Variants in PRKCI observed in about 807,000 individuals in gnomAD.
The protein encoded by PRKCI is protein kinase C iota, also known as protein kinase C iota type.
PRKCI carries 43 observed loss-of-function variants against 84.0 expected under a neutral mutation model. The observed-to-expected ratio is 0.51, with a 90% CI of 0.40 to 0.66. The LOEUF (loss-of-function observed/expected upper bound fraction) is 0.66. Among genes scored for constraint, PRKCI ranks in the 30% least tolerant of loss-of-function variants. The pLI, the probability that PRKCI is intolerant of heterozygous loss-of-function variation, is 0.00. For synonymous variants in PRKCI, 216 were observed against 234.4 expected, an observed-to-expected ratio of 0.92 and a Z score of 0.72; for missense variants, 459 against 745.6, an observed-to-expected ratio of 0.62 and a Z score of 4.48.
chr3:170,291,934 A>T lies in PRKCI; in HGVS notation c.1284A>T (p.Glu428Asp). The change falls in exon 13 of 18, where the codon GAA (glutamate) becomes GAT (aspartate). Residue 428 changes from glutamate (E) to aspartate (D), a missense_variant. Physicochemically the swap from Glu to Asp is conservative, Grantham distance 45. Around this residue, in one of 2 missense-constraint regions of PRKCI, gnomAD observed 209 missense variants for 425.9 expected, o/e 0.49. Coordinates refer to ENST00000295797, the MANE Select transcript of PRKCI (RefSeq NM_002740.6). ...TTGCTCCTGAAATTTTAAGAGGAGA[A>T]GATTATGGTAATAAATAAATTGGTG... is the stretch of plus-strand genomic sequence containing the variant. ...NYIAPEILRG[E>D]DYGFSVDWWA... The T allele has an allele frequency of 6.3e-7, 1 of 1,583,556 alleles. No homozygotes were observed. Among genetic ancestry groups the T allele is most frequent in the Non-Finnish European group, 8.7e-7 (1 of 1,152,266 alleles).
chr3:170,304,948 A>G lies in PRKCI; in HGVS notation c.*1821A>G, dbSNP rs1254034973. 2.0e-5 allele frequency: 3 copies of G among 152,158 alleles called. No individual in the cohort carries two copies. The highest frequency in any genetic ancestry group is 4.8e-5 in the African/African-American group (2 of 41,442). 9.4% of individuals were successfully genotyped at this position (152,158 alleles called of 1,614,324 possible). On this transcript the variant is annotated 3_prime_UTR_variant, in exon 18 of 18. Coordinates refer to ENST00000295797, the MANE Select transcript of PRKCI (RefSeq NM_002740.6). ...TTTCATTGGAAATGTCATTTTTCCA[A>G]AGTTTCTAGCTATATACTCTCTTTC...
intron 2 of PRKCI, among the ~76,000 whole-genome samples, chr3:170,250,549 CAGAT>C (rs1008212260): frequency 6.8e-6 from 1 of 148,030 alleles, no homozygotes; most frequent in Non-Finnish European, 1.5e-5. Context: ...TATGTTTCTA[CAGAT>C]AGACTGATTC....
At chr3:170,284,873 A>T (rs575683060) in intron 12 of PRKCI, among the ~76,000 whole-genome samples, 267 of 152,322 alleles carry the variant, frequency 1.8e-3, no homozygotes, top group African/African-American at 6.1e-3. Flanking sequence ...ATTTGGAAAT[A>T]AAAATTGTCT....
chr3:170,255,093 T>C (rs1368367099), intron 2 of PRKCI, among the ~76,000 whole-genome samples: 1 of 150,092 alleles, frequency 6.7e-6, no homozygotes, highest in African/African-American at 2.4e-5. Context: ...AGAGTTTCAC[T>C]TTTGTTGCCC....
chr3:170,235,151 A>G, intron 1 of PRKCI, 79 bp from the exon 2 acceptor site: 1 of 1,424,740 alleles, frequency 7.0e-7, no homozygotes, highest in Non-Finnish European at 9.6e-7. Flanking sequence ...AAGTTCATCA[A>G]ATTGTCAAGC....
chr3:170,258,391 T>C (rs1207404459), intron 2 of PRKCI, among the ~76,000 whole-genome samples: 1 of 151,774 alleles, frequency 6.6e-6, no homozygotes, highest in Non-Finnish European at 1.5e-5. Flanking sequence ...CTACACCCTC[T>C]GCTTCCTAGG....
intron 2 of PRKCI, among the ~76,000 whole-genome samples, chr3:170,250,200 G>A (rs1733403835): frequency 6.6e-6 from 1 of 151,124 alleles, no homozygotes; most frequent in Middle Eastern, 3.4e-3. Context: ...TTGAACCTGG[G>A]AGCTGGAGGT....
intron 16 of PRKCI, 122 bp downstream of exon 16, chr3:170,297,515 C>T (rs1734713789): frequency 3.9e-6 from 3 of 762,258 alleles, no homozygotes; most frequent in Non-Finnish European, 6.6e-6. Flanking sequence ...AGTACAATGG[C>T]ACGATCTCAG....
At chr3:170,297,883 A>T (rs935178492) in intron 16 of PRKCI, among the ~76,000 whole-genome samples, 24 of 151,104 alleles carry the variant, frequency 1.6e-4, no homozygotes, top group African/African-American at 5.1e-4. Flanking sequence ...TTAATTTATT[A>T]TTTTTTTTCT....
At chr3:170,289,599 C>T (rs766754464) in intron 12 of PRKCI, among the ~76,000 whole-genome samples, 6 of 152,050 alleles carry the variant, frequency 3.9e-5, no homozygotes, top group Non-Finnish European at 8.8e-5. Context: ...CATGGCAAAA[C>T]CCCATCTCTA....
rs1046523192 is a variant in PRKCI at position 170,270,593 on chromosome 3, T to C, written c.591+32T>C. The C allele has an allele frequency of 4.4e-6, 7 of 1,577,018 alleles. No homozygotes were observed. In the African/African-American group the frequency reaches 8.3e-5, roughly 19 times the overall value. ...TGTCTGTCCTTTTTTTTTTTTTTTT[T>C]TTTAAGAGCGTGCTTGATAACACTG... is the stretch of plus-strand genomic sequence containing the variant. On this transcript the variant is annotated intron_variant, in intron 6 of 17. Coordinates refer to ENST00000295797, the MANE Select transcript of PRKCI (RefSeq NM_002740.6).
intron 2 of PRKCI, among the ~76,000 whole-genome samples, chr3:170,238,331 C>G (rs994749400): frequency 6.6e-6 from 1 of 151,876 alleles, no homozygotes; most frequent in African/African-American, 2.4e-5. Flanking sequence ...TCGTTGTACT[C>G]CTGCCTGGGC....
At chr3:170,244,871 A>G (rs1733234968) in intron 2 of PRKCI, 1 of 152,274 alleles carries the variant, frequency 6.6e-6, no homozygotes, top group Admixed American at 6.5e-5. Context: ...GCTTCACTTG[A>G]CTAGCCTAAA....
At chr3:170,256,337 T>A (rs576558382) in intron 2 of PRKCI, among the ~76,000 whole-genome samples, 122 of 152,334 alleles carry the variant, frequency 8.0e-4, no homozygotes, top group African/African-American at 2.9e-3. Context: ...TATTATGGCT[T>A]CGATCTCATT....
rs75266191 is a variant in PRKCI at position 170,270,576 on chromosome 3, CTT to C, written c.591+34_591+35del. ...CTTTGCCACAGGTAAGATGTCTGTCCTTTTTTTTTTTTTTTTTTTTAAGAGCG... is the reference window on the plus strand; with the variant it reads ...CTTTGCCACAGGTAAGATGTCTGTCCTTTTTTTTTTTTTTTTTTAAGAGCG... On this transcript the variant is annotated intron_variant, in intron 6 of 17. Transcript: ENST00000295797. The C allele has an allele frequency of 0.03, 38,916 of 1,289,666 alleles. No individual in the cohort carries two copies. The highest frequency in any genetic ancestry group is 0.062 in the South Asian group (3,490 of 56,638). 79.9% of individuals were successfully genotyped at this position (1,289,666 alleles called of 1,614,324 possible).
rs563505420 is a variant in PRKCI at position 170,243,832 on chromosome 3, G to A, written c.223+8481G>A. ...TCTCTTAGTTCTGGCCTCTGCCCCA[G>A]CTCTGTTCTTCAGACGGACCTTATG... On this transcript the variant is annotated intron_variant, in intron 2 of 17. Transcript: ENST00000295797. 2.0e-5 allele frequency among the ~76,000 whole-genome samples: 3 copies of A among 152,296 alleles called. No homozygotes were observed. The South Asian group carries it at 6.2e-4, about 32-fold the overall frequency.
rs974148749 is a variant in PRKCI, at chr3:170,272,402, T to A, written c.592-884T>A. Among the ~76,000 whole-genome samples the A allele has an allele frequency of 2.6e-4, 39 of 152,210 alleles. 1 individual carries two copies. Among genetic ancestry groups the A allele is most frequent in the African/African-American group, 8.9e-4 (37 of 41,462 alleles). ...GTGAAAGCAGGTTATTACCGGTAGC[T>A]CTTTGGTATTAGAATCTTTAATTAG... On this transcript the variant is annotated intron_variant, in intron 6 of 17. Transcript: ENST00000295797.
Position 170,270,422 on chromosome 3 carries a change from G to T in PRKCI, c.452G>T (p.Arg151Leu). ...HTFQAKRFNR[R>L]AHCAICTDRI... ...ATATTGTTGAATTACTCTTTTCAGC[G>T]TGCTCACTGTGCCATCTGCACAGAC... The change falls in exon 6 of 18, where the codon CGT becomes CTT. Residue 151 changes from arginine (R) to leucine (L), a missense_variant and splice_region_variant. Physicochemically the swap from Arg to Leu is moderately radical, Grantham distance 102 (BLOSUM62 -2). Coordinates refer to ENST00000295797, the MANE Select transcript of PRKCI (RefSeq NM_002740.6). 1 of 1,600,002 alleles carries T rather than the reference G, an allele frequency of 6.2e-7. No individual in the cohort carries two copies. Among genetic ancestry groups the T allele is most frequent in the Non-Finnish European group, 8.5e-7 (1 of 1,171,694 alleles).
At chr3:170,259,771 A>G (rs1373456208) in intron 2 of PRKCI, among the ~76,000 whole-genome samples, 198 bp from the exon 3 acceptor site, 2 of 152,158 alleles carry the variant, frequency 1.3e-5, no homozygotes, top group African/African-American at 4.8e-5. Context: ...ATGCCACTGC[A>G]CTCCAGCCTG....
Sources: allele counts gnomAD v4.1 joint callset (sites outside exome capture counted in the v4.1 genomes callset), GRCh38; gene constraint gnomAD v4.1.1; regional missense constraint gnomAD v4.1.1; transcripts MANE v1.5; gene names NCBI Gene and HGNC (gene_info 2026-07-23, HGNC 2026-07-21).